Variants in ADAM15 observed in about 807,000 individuals in gnomAD.
ADAM15 encodes disintegrin and metalloproteinase domain-containing protein 15.
In ADAM15, 77 loss-of-function variants were observed where a neutral mutation model predicts 113.8. The ratio of observed to expected loss-of-function variants is 0.68; its 90% CI spans 0.56 to 0.82. The LOEUF (loss-of-function observed/expected upper bound fraction) is 0.82. Ranked by LOEUF, ADAM15 falls within the 40% of genes least tolerant of loss-of-function variation. The pLI is 0.00. For missense variants in ADAM15, 963 were observed against 1,120.1 expected (o/e 0.86, Z 2.00); for synonymous variants, 388 against 454.1 (o/e 0.85, Z 1.85).
At chr1:155,060,063 C>A in intron 17 of ADAM15, 89 bp downstream of exon 17, 1 of 1,579,008 alleles carries the variant, frequency 6.3e-7, no homozygotes, top group Non-Finnish European at 8.7e-7. Flanking sequence ...TTCTGACCCC[C>A]CTTTGCTGCT....
Position 155,062,411 on chromosome 1 carries a change from T to C in ADAM15, c.2549+42T>C. On this transcript the variant is annotated intron_variant, in intron 22 of 22. Coordinates refer to ENST00000356955, the MANE Select transcript of ADAM15 (RefSeq NM_207197.3). This position sits in a 1 kb window ranked among gnomAD's most constrained non-coding sequence, Gnocchi z 7.0. The stretch of plus-strand genomic sequence containing the variant: ...GCATGGGTGGGCGGGGCGAGTGACC[T>C]GGGGGAAAGGGGCCTCTGACTCTTT... 3 of 1,611,828 alleles carry C rather than the reference T, an allele frequency of 1.9e-6. No homozygotes were observed. The highest frequency in any genetic ancestry group is 1.1e-5 in the South Asian group (1 of 90,792).
chr1:155,054,836 C>T (rs1214408977), intron 6 of ADAM15, among the ~76,000 whole-genome samples: 2 of 152,210 alleles, frequency 1.3e-5, no homozygotes, highest in South Asian at 2.1e-4. Flanking sequence ...AGCCACTACA[C>T]ACCAGCCTGG....
intron 6 of ADAM15, chr1:155,055,487 A>C (rs931518181): frequency 1.6e-5 from 6 of 380,138 alleles, no homozygotes; most frequent in Non-Finnish European, 2.0e-5. Context: ...TGTCCTCCCA[A>C]AGTGCTGAGA....
Position 155,058,659 on chromosome 1 carries a change from C to A in ADAM15, c.1918-51C>A. The stretch of plus-strand genomic sequence containing the variant: ...CCTCAACCTTATTGGCCTCCCAGTC[C>A]CATTAAAGCTTTGTGGGAATCTGAT... On this transcript the variant is annotated intron_variant, in intron 15 of 22. Transcript: ENST00000356955. The surrounding 1 kb of genome is among the most constrained non-coding windows in gnomAD (Gnocchi z 4.3). The A allele has an allele frequency of 6.3e-7, 1 of 1,588,634 alleles. No individual in the cohort carries two copies. Among genetic ancestry groups the A allele is most frequent in the Admixed American group, 1.8e-5 (1 of 55,104 alleles).
chr1:155,062,049 G>A lies in ADAM15; in HGVS notation c.2424+74G>A. ...TGTGGTGCTGGTAGCCATGACGGTG[G>A]TGGCCGTGGCGAGATGCCCCCTCAG... On this transcript the variant is annotated intron_variant, in intron 21 of 22. Transcript: ENST00000356955. This position sits in a 1 kb window ranked among gnomAD's most constrained non-coding sequence, Gnocchi z 7.0. The A allele has an allele frequency of 6.7e-7, 1 of 1,482,298 alleles. No homozygotes were observed. Among genetic ancestry groups the A allele is most frequent in the Non-Finnish European group, 9.0e-7 (1 of 1,113,620 alleles). The allele number at this position is 1,482,298 out of a possible 1,614,324, so 91.8% of individuals were successfully genotyped here.
chr1:155,054,238 G>A lies in ADAM15; in HGVS notation c.419+12G>A, dbSNP rs374932060. The A allele has an allele frequency of 1.4e-4, 224 of 1,590,996 alleles. No individual in the cohort carries two copies. The highest frequency in any genetic ancestry group is 1.7e-4 in the Non-Finnish European group (196 of 1,170,720). ...TGCTCTGGGCTCAGGTATACTGGGCGGATTTAATGACAGTAGAGAAAGTAA... is the reference window on the plus strand; with the variant it reads ...TGCTCTGGGCTCAGGTATACTGGGCAGATTTAATGACAGTAGAGAAAGTAA... On this transcript the variant is annotated intron_variant, in intron 5 of 22. Coordinates refer to ENST00000356955, the MANE Select transcript of ADAM15 (RefSeq NM_207197.3).
intron 6 of ADAM15, 22 bp downstream of exon 6, chr1:155,054,528 G>A (rs771021095): frequency 6.5e-7 from 1 of 1,541,350 alleles, no homozygotes; most frequent in Non-Finnish European, 8.8e-7. Flanking sequence ...TGGCAGGGGG[G>A]TGGGCTTTGG....
Position 155,057,777 on chromosome 1 carries a change from A to C in ADAM15, c.1416+48A>C, listed in dbSNP as rs1395815561. 6.2e-7 allele frequency: 1 copy of C among 1,613,900 alleles called. No individual in the cohort carries two copies. Among genetic ancestry groups the C allele is most frequent in the Non-Finnish European group, 8.5e-7 (1 of 1,179,890 alleles). Reference sequence around the variant, plus strand: ...ACCCGGAGCTCACCTGCCGGGGCCAAGGTGGAAAGGGTCATTCTGACCCCC... The same window carrying C: ...ACCCGGAGCTCACCTGCCGGGGCCACGGTGGAAAGGGTCATTCTGACCCCC... On this transcript the variant is annotated intron_variant, in intron 13 of 22. Transcript: ENST00000356955. The surrounding 1 kb of genome is among the most constrained non-coding windows in gnomAD (Gnocchi z 5.0).
Position 155,056,519 on chromosome 1 carries a change from A to G in ADAM15, c.999+49A>G. On this transcript the variant is annotated intron_variant, in intron 10 of 22. Transcript: ENST00000356955. This position sits in a 1 kb window ranked among gnomAD's most constrained non-coding sequence, Gnocchi z 4.0. ...CTCATTCCCAATTCAGTTCCTCCCAAGTGTGGTGGCATTTATGCACTGAAA... is the reference window on the plus strand; with the variant it reads ...CTCATTCCCAATTCAGTTCCTCCCAGGTGTGGTGGCATTTATGCACTGAAA... 6.3e-7 allele frequency: 1 copy of G among 1,575,800 alleles called. No individual in the cohort carries two copies. The highest frequency in any genetic ancestry group is 8.7e-7 in the Non-Finnish European group (1 of 1,147,662).
At position 155,056,249 on chromosome 1, in the gene ADAM15, C is replaced by T. The variant is rs370040776; in HGVS notation, c.914C>T (p.Thr305Ile). The change falls in exon 9 of 23, where the codon ACT becomes ATT. Residue 305 changes from threonine to isoleucine, a missense_variant and splice_region_variant. By Grantham distance (89) the Thr-to-Ile change is moderately conservative. Coordinates refer to ENST00000356955, the MANE Select transcript of ADAM15 (RefSeq NM_207197.3). The surrounding 1 kb of genome is among the most constrained non-coding windows in gnomAD (Gnocchi z 4.0). The part of the protein sequence containing the change: ...RLPHDSAQLV[T>I]GTSFSGPTVG... ...CCCCATGACAGTGCCCAGCTGGTGA[C>T]GTAAGGGCCCCAGACTCAGCCAGAG... The T allele has an allele frequency of 1.7e-5, 28 of 1,613,710 alleles. No homozygotes were observed. The highest frequency in any genetic ancestry group is 5.3e-5 in the African/African-American group (4 of 74,896).
chr1:155,052,813 C>A (rs1364124003), intron 2 of ADAM15, 36 bp downstream of exon 2: 1 of 1,570,072 alleles, frequency 6.4e-7, no homozygotes, highest in Admixed American at 1.9e-5. Context: ...ATAAACGAAT[C>A]CACACACGCC....
chr1:155,056,538 A>G lies in ADAM15; in HGVS notation c.999+68A>G, dbSNP rs1661788098. ...CTCCCAAGTGTGGTGGCATTTATGC[A>G]CTGAAACCCCCCTATAAAGTTGCCC... On this transcript the variant is annotated intron_variant, in intron 10 of 22. Coordinates refer to ENST00000356955, the MANE Select transcript of ADAM15 (RefSeq NM_207197.3). This position sits in a 1 kb window ranked among gnomAD's most constrained non-coding sequence, Gnocchi z 4.0. The G allele has an allele frequency of 6.7e-7, 1 of 1,492,684 alleles. No individual in the cohort carries two copies. Among genetic ancestry groups the G allele is most frequent in the Admixed American group, 1.7e-5 (1 of 58,010 alleles). 92.5% of individuals were successfully genotyped at this position (1,492,684 alleles called of 1,614,324 possible). A position where few individuals can be genotyped will look rare whatever the true frequency, so the allele number is the denominator to read the frequency against.
Position 155,062,708 on chromosome 1 carries a change from G to A in ADAM15, c.*206G>A, listed in dbSNP as rs1339955564. 6.0e-6 allele frequency: 4 copies of A among 667,416 alleles called. No homozygotes were observed. Among genetic ancestry groups the A allele is most frequent in the Admixed American group, 2.9e-5 (1 of 34,362 alleles). 41.3% of individuals were successfully genotyped at this position (667,416 alleles called of 1,614,324 possible). On this transcript the variant is annotated 3_prime_UTR_variant, in exon 23 of 23. Transcript: ENST00000356955. This position sits in a 1 kb window ranked among gnomAD's most constrained non-coding sequence, Gnocchi z 7.0. ...CTTGGGGAGGGGCTGGGGGTTGGAC[G>A]GGATTGAGGAAGGTCCGCACAGCCT...
intron 6 of ADAM15, chr1:155,055,557 C>A (rs951939469): frequency 1.2e-5 from 7 of 568,532 alleles, no homozygotes; most frequent in South Asian, 4.2e-5. Flanking sequence ...TTGAAAAAAA[C>A]CACTGAGTTT....
chr1:155,051,560 C>G, intron 1 of ADAM15, 95 bp downstream of exon 1: 1 of 1,206,424 alleles, frequency 8.3e-7, no homozygotes, highest in Non-Finnish European at 1.1e-6. Flanking sequence ...GACGGAGACC[C>G]TGGGAGAGCC....
At chr1:155,059,416 G>A (rs1021057040) in intron 16 of ADAM15, among the ~76,000 whole-genome samples, 4 of 152,110 alleles carry the variant, frequency 2.6e-5, no homozygotes, top group African/African-American at 4.8e-5. Flanking sequence ...TTGAGGCCAG[G>A]AGTTCAAAAC....
In ADAM15 at chr1:155,062,294, AC is replaced by A; in HGVS notation, c.2479del (p.Gln827ArgfsTer19). 1 of 1,466,222 alleles carries A rather than the reference AC, an allele frequency of 6.8e-7. No homozygotes were observed. The highest frequency in any genetic ancestry group is 9.0e-7 in the Non-Finnish European group (1 of 1,106,728). 90.8% of individuals were successfully genotyped at this position (1,466,222 alleles called of 1,614,324 possible). On this transcript the variant is annotated frameshift_variant, in exon 22 of 23. Transcript: ENST00000356955. LOFTEE classifies it high-confidence loss of function. The surrounding 1 kb of genome is among the most constrained non-coding windows in gnomAD (Gnocchi z 7.0). ...CCCCCAAGGAAGCCACTGCCTGCCG[AC>A]CCCCAGGGCCGGTGCCCATCGGGTG... ...PPPPRKPLPADPQGRCPSGDL... is the reference protein window; with the variant it reads ...PPPPRKPLPAXPQGRCPSGDL...
At chr1:155,053,639 T>TGTATAAAATGAGGACAA in intron 3 of ADAM15, 146 bp downstream of exon 3, 1 of 886,062 alleles carries the variant, frequency 1.1e-6, no homozygotes, top group Non-Finnish European at 1.8e-6. Flanking sequence ...TTGTCCTCAC[T>TGTATAAAATGAGGACAA]TTATACATGA....
At position 155,062,705 on chromosome 1, in the gene ADAM15, G is replaced by A. The variant is rs1662816812; in HGVS notation, c.*203G>A. 2.9e-6 allele frequency: 2 copies of A among 685,936 alleles called. No individual in the cohort carries two copies. Among genetic ancestry groups the A allele is most frequent in the African/African-American group, 1.8e-5 (1 of 55,468 alleles). 42.5% of individuals were successfully genotyped at this position (685,936 alleles called of 1,614,324 possible). On this transcript the variant is annotated 3_prime_UTR_variant, in exon 23 of 23. Coordinates refer to ENST00000356955, the MANE Select transcript of ADAM15 (RefSeq NM_207197.3). This position sits in a 1 kb window ranked among gnomAD's most constrained non-coding sequence, Gnocchi z 7.0. The stretch of plus-strand genomic sequence containing the variant: ...GGGCTTGGGGAGGGGCTGGGGGTTG[G>A]ACGGGATTGAGGAAGGTCCGCACAG...
Sources: allele counts gnomAD v4.1 joint callset (sites outside exome capture counted in the v4.1 genomes callset), GRCh38; gene constraint gnomAD v4.1.1; non-coding constraint Gnocchi (gnomAD v3.1); transcripts MANE v1.5; gene names NCBI Gene and HGNC (gene_info 2026-07-23, HGNC 2026-07-21).